QRICH1: variants seen among roughly 807,000 people sequenced by gnomAD.
QRICH1 encodes the protein transcriptional regulator QRICH1.
QRICH1 carries 16 observed loss-of-function variants against 87.1 expected under a neutral mutation model. The observed-to-expected ratio is 0.18, with a 90% CI of 0.12 to 0.28. The LOEUF (loss-of-function observed/expected upper bound fraction) is 0.28. QRICH1 is among the 10% of genes least tolerant of loss of function. The pLI is 1.00. For synonymous variants in QRICH1, 367 were observed against 368.4 expected (o/e 1.00, Z 0.05); for missense variants, 647 against 951.7 (o/e 0.68, Z 4.21).
intron 6 of QRICH1, among the ~76,000 whole-genome samples, chr3:49,042,722 G>C (rs2093317837): frequency 6.6e-6 from 1 of 151,906 alleles, no homozygotes. Flanking sequence ...ACAGGTACCT[G>C]CCAACACACC....
Position 49,065,966 on chromosome 3 carries a change from T to A in QRICH1, c.310-8076A>T, listed in dbSNP as rs370272826. On this transcript the variant is annotated intron_variant, in intron 2 of 9. Transcript: ENST00000395443. ...CCAAAGTGCTGGGATTACAGGCCCC[T>A]ACGAGTCTCTTGAACTACCATTTGT... 7.9e-5 allele frequency among the ~76,000 whole-genome samples: 12 copies of A among 152,134 alleles called. 2 individuals carry two copies. Among genetic ancestry groups the A allele is most frequent in the African/African-American group, 2.6e-4 (11 of 41,550 alleles).
chr3:49,064,833 A>C (rs2093457912), intron 2 of QRICH1, among the ~76,000 whole-genome samples: 2 of 152,120 alleles, frequency 1.3e-5, no homozygotes, highest in African/African-American at 4.8e-5. Context: ...CCTGGACAAG[A>C]TGGTGAAACC....
At chr3:49,052,440 C>T (rs1225163476) in intron 3 of QRICH1, among the ~76,000 whole-genome samples, 2 of 152,140 alleles carry the variant, frequency 1.3e-5, no homozygotes, top group African/African-American at 2.4e-5. Flanking sequence ...TGTGTCAGTG[C>T]AGCACAGGGA....
At chr3:49,036,181 A>C (rs1441497301) in intron 6 of QRICH1, among the ~76,000 whole-genome samples, 5 of 152,194 alleles carry the variant, frequency 3.3e-5, no homozygotes, top group East Asian at 1.9e-4. Flanking sequence ...GATAAAAAAA[A>C]CCTAGGTATT....
intron 6 of QRICH1, among the ~76,000 whole-genome samples, chr3:49,039,666 T>G (rs1423641396): frequency 4.7e-5 from 7 of 148,826 alleles, no homozygotes; most frequent in Admixed American, 4.7e-4. Flanking sequence ...TATCTGGAAT[T>G]TACTTCCAAT....
At chr3:49,075,741 GAGTTCAAGCCCAA>G (rs1391466630) in intron 2 of QRICH1, among the ~76,000 whole-genome samples, 3 of 152,248 alleles carry the variant, frequency 2.0e-5, no homozygotes, top group African/African-American at 7.2e-5. Flanking sequence ...TTGAGGTCTG[GAGTTCAAGCCCAA>G]CATGGGGAAA....
chr3:49,050,296 G>A (rs1240645050), intron 3 of QRICH1, among the ~76,000 whole-genome samples: 1 of 142,968 alleles, frequency 7.0e-6, no homozygotes, highest in Non-Finnish European at 1.5e-5. Flanking sequence ...GGTAGCACAC[G>A]CCTGTAATCC....
Position 49,060,792 on chromosome 3 carries a change from G to A in QRICH1, c.310-2902C>T, listed in dbSNP as rs149219820. ...CTCTTGTAGGAGCACAAACCCTATC[G>A]TGAACTGCAAATGTGAGGTATCTAG... On this transcript the variant is annotated intron_variant, in intron 2 of 9. Transcript: ENST00000395443. 8.6e-4 allele frequency among the ~76,000 whole-genome samples: 131 copies of A among 152,232 alleles called. 6 individuals are homozygous for A. In the South Asian group the frequency reaches 0.025, roughly 29 times the overall value.
At chr3:49,080,656 A>G (rs983790641) in intron 1 of QRICH1, among the ~76,000 whole-genome samples, 3 of 152,092 alleles carry the variant, frequency 2.0e-5, no homozygotes, top group Non-Finnish European at 4.4e-5. Context: ...GAAACTCAGA[A>G]GGGGCAGCTT....
intron 1 of QRICH1, among the ~76,000 whole-genome samples, chr3:49,079,054 G>A (rs911551139): frequency 2.6e-5 from 4 of 151,878 alleles, no homozygotes; most frequent in African/African-American, 7.3e-5. Flanking sequence ...GCAACATGGA[G>A]AAACCCCATC....
intron 2 of QRICH1, among the ~76,000 whole-genome samples, chr3:49,062,378 T>C (rs2093440445): frequency 6.6e-6 from 1 of 150,518 alleles, no homozygotes; most frequent in South Asian, 2.1e-4. Context: ...GTCGCTTTTT[T>C]TTTTTTTTTT....
At position 49,059,987 on chromosome 3, in the gene QRICH1, C is replaced by T. The variant is rs193222260; in HGVS notation, c.310-2097G>A. Among the ~76,000 whole-genome samples the T allele has an allele frequency of 2.8e-3, 429 of 151,080 alleles. 3 individuals carry two copies. The highest frequency in any genetic ancestry group is 9.7e-3 in the African/African-American group (397 of 41,054). ...ACAACCTCCACTTCCCCGGTTCAAG[C>T]GATTCTCCTGTGTCAGCCTCCCGAG... On this transcript the variant is annotated intron_variant, in intron 2 of 9. Transcript: ENST00000395443.
chr3:49,075,119 C>T (rs1050384940), intron 2 of QRICH1, among the ~76,000 whole-genome samples: 6 of 147,576 alleles, frequency 4.1e-5, no homozygotes, highest in African/African-American at 7.5e-5. Context: ...GCCAAGAGTT[C>T]AAGACCAGCC....
At chr3:49,069,610 G>A (rs2093489531) in intron 2 of QRICH1, among the ~76,000 whole-genome samples, 1 of 138,352 alleles carries the variant, frequency 7.2e-6, no homozygotes, top group Admixed American at 8.1e-5. Context: ...AGCCTCTTCA[G>A]TAGCTGGGAT....
intron 6 of QRICH1, among the ~76,000 whole-genome samples, chr3:49,035,654 A>C (rs1295240380): frequency 1.3e-5 from 2 of 151,906 alleles, no homozygotes; most frequent in Non-Finnish European, 2.9e-5. Context: ...ACCTTAAAAA[A>C]AAAAACAAAA....
At chr3:49,051,445 A>G (rs1559933975) in intron 3 of QRICH1, among the ~76,000 whole-genome samples, 1 of 151,880 alleles carries the variant, frequency 6.6e-6, no homozygotes, top group Admixed American at 6.6e-5. Context: ...CGTGTTTGTC[A>G]ACCATAGAGC....
chr3:49,088,219 G>C (rs7619073), intron 1 of QRICH1, among the ~76,000 whole-genome samples: 128,216 of 152,112 alleles, frequency 0.84, 54,697 homozygotes, highest in East Asian at 1. Context: ...TCCCAAAGTG[G>C]TGGGATTACA....
chr3:49,069,545 T>A (rs2093489068), intron 2 of QRICH1, among the ~76,000 whole-genome samples: 1 of 144,862 alleles, frequency 6.9e-6, no homozygotes, highest in African/African-American at 2.5e-5. Flanking sequence ...GGGGGGGAAT[T>A]TTTTTTTTTT....
chr3:49,064,044 T>C (rs1272939989), intron 2 of QRICH1, among the ~76,000 whole-genome samples: 1 of 151,882 alleles, frequency 6.6e-6, no homozygotes, highest in Non-Finnish European at 1.5e-5. Flanking sequence ...GTGGCTGGGA[T>C]TACAGGCATG....
Sources: gnomAD v4.1 joint callset for allele counts (sites outside exome capture counted in the v4.1 genomes callset) on GRCh38, gnomAD v4.1.1 for gene constraint, MANE v1.5 for transcripts, NCBI Gene and HGNC (gene_info 2026-07-23, HGNC 2026-07-21) for gene names.